Variants in MXRA7 observed in about 807,000 individuals in gnomAD.
MXRA7 encodes the protein matrix-remodeling-associated protein 7.
A neutral mutation model predicts 17.4 loss-of-function variants in MXRA7; 18 were observed. The observed-to-expected ratio is 1.03, with a 90% CI of 0.71 to 1.53. The LOEUF is 1.53. Ranked by LOEUF, MXRA7 falls within the 40% of genes most tolerant of loss-of-function variation. MXRA7 has a pLI of 0.00. For missense variants in MXRA7, 141 were observed against 209.3 expected (o/e 0.67, Z 2.01); for synonymous variants, 70 against 101.7 (o/e 0.69, Z 1.87).
chr17:76,686,491 C>G (rs1053573853), intron 2 of MXRA7, among the ~76,000 whole-genome samples: 5 of 152,032 alleles, frequency 3.3e-5, no homozygotes, highest in Admixed American at 1.3e-4. Context: ...CCCCTACCCC[C>G]CAAAAAAAGA....
intron 1 of MXRA7, among the ~76,000 whole-genome samples, chr17:76,708,076 C>A (rs889960727): frequency 6.6e-6 from 1 of 152,232 alleles, no homozygotes; most frequent in African/African-American, 2.4e-5. Context: ...TCCAGGGTCT[C>A]GGCCTATAGT....
At chr17:76,680,966 A>G (rs2076295242) in intron 3 of MXRA7, 87 bp from the exon 4 acceptor site, 1 of 1,097,556 alleles carries the variant, frequency 9.1e-7, no homozygotes, top group Admixed American at 2.1e-5. Flanking sequence ...AATGGGGACG[A>G]GGAAGGAGAA....
rs1567990602 is a variant in MXRA7, at chr17:76,706,138, A to ACCACACTGCCGTCACAGAGGC, written c.342+4446_342+4466dup. 1.2e-4 allele frequency among the ~76,000 whole-genome samples: 5 copies of ACCACACTGCCGTCACAGAGGC among 40,676 alleles called. No individual in the cohort carries two copies. In the South Asian group the frequency reaches 2.8e-3, roughly 23 times the overall value. The allele number at this position is 40,676 out of a possible 152,430, so 26.7% of individuals were successfully genotyped here. On this transcript the variant is annotated intron_variant, in intron 1 of 3. Transcript: ENST00000449428. ...AAGGCCCACGCTGCCATCACAAAGG[A>ACCACACTGCCGTCACAGAGGC]CCACACTGCCGTCACAGAGGCCCAC...
rs1236738127 is a variant in MXRA7, at chr17:76,681,937, G to A, written c.501-1058C>T. ...AGCAGCTTCAGCGGAACCCAGGGAC[G>A]CCACCAGAGGCATGAAGTGTGTGAA... On this transcript the variant is annotated intron_variant, in intron 3 of 3. Transcript: ENST00000449428. This position sits in a 1 kb window ranked among gnomAD's most constrained non-coding sequence, Gnocchi z 4.7. 3.9e-5 allele frequency among the ~76,000 whole-genome samples: 6 copies of A among 152,208 alleles called. No homozygotes were observed. The highest frequency in any genetic ancestry group is 6.5e-5 in the Admixed American group (1 of 15,282).
chr17:76,698,257 C>G (rs528032246), intron 1 of MXRA7, among the ~76,000 whole-genome samples: 9 of 152,232 alleles, frequency 5.9e-5, no homozygotes, highest in African/African-American at 1.9e-4. Flanking sequence ...GCCCCCCAAC[C>G]CCAGAATGGG....
chr17:76,702,337 A>G (rs2076599940), intron 1 of MXRA7, among the ~76,000 whole-genome samples: 1 of 152,132 alleles, frequency 6.6e-6, no homozygotes, highest in African/African-American at 2.4e-5. Context: ...GCAAGACACC[A>G]TCTCTACAAA....
chr17:76,697,660 G>A (rs940237515), intron 1 of MXRA7, among the ~76,000 whole-genome samples: 20 of 152,200 alleles, frequency 1.3e-4, no homozygotes, highest in African/African-American at 4.6e-4. Flanking sequence ...TGGAGGAGGT[G>A]GAGGCGGGAG....
chr17:76,687,753 G>A (rs143829017), intron 2 of MXRA7, among the ~76,000 whole-genome samples: 5 of 152,372 alleles, frequency 3.3e-5, no homozygotes, highest in Admixed American at 1.3e-4. Context: ...AGTGGTTTTC[G>A]TCTCAGTAAA....
chr17:76,686,706 TC>T (rs1400453496), intron 2 of MXRA7, among the ~76,000 whole-genome samples: 1 of 152,180 alleles, frequency 6.6e-6, no homozygotes, highest in African/African-American at 2.4e-5. Flanking sequence ...GGTTTCTTCC[TC>T]CAGTCTCCTG....
intron 1 of MXRA7, chr17:76,688,717 C>A: frequency 2.5e-6 from 3 of 1,221,874 alleles, no homozygotes; most frequent in South Asian, 8.4e-5. Flanking sequence ...AACAGATGAT[C>A]AGAGGAATGG....
chr17:76,710,478 G>A lies in MXRA7; in HGVS notation c.342+127C>T, dbSNP rs2076707078. 5.2e-6 allele frequency: 4 copies of A among 773,188 alleles called. No homozygotes were observed. In the South Asian group the frequency reaches 2.4e-4, roughly 46 times the overall value. 47.9% of individuals were successfully genotyped at this position (773,188 alleles called of 1,614,324 possible). ...GGACCTGCATTTCCTGCGGGCCGCG[G>A]GTTCTGCGCTTCCTGGGGGCAGCCT... On this transcript the variant is annotated intron_variant, in intron 1 of 3. Coordinates refer to ENST00000449428, the MANE Select transcript of MXRA7 (RefSeq NM_198530.4).
chr17:76,674,139 G>C (rs1041196186), exon 4 of MXRA7: 3 of 152,256 alleles, frequency 2.0e-5, no homozygotes, highest in Non-Finnish European at 4.4e-5. Context: ...CCCACACCCA[G>C]AGAGAGTTCC....
intron 3 of MXRA7, chr17:76,684,003 C>G: frequency 1.8e-6 from 2 of 1,135,664 alleles, no homozygotes; most frequent in Non-Finnish European, 2.7e-6. Context: ...GGGCTCCTGC[C>G]AGGGCTCTTC....
At chr17:76,710,517 C>T in intron 1 of MXRA7, 88 bp downstream of exon 1, 1 of 1,101,156 alleles carries the variant, frequency 9.1e-7, no homozygotes, top group Non-Finnish European at 1.1e-6. Context: ...CTGGAGGCCG[C>T]GGCCCCGCTC....
Position 76,688,524 on chromosome 17 carries a change from G to C in MXRA7, c.343-348C>G, listed in dbSNP as rs978458800. 7 of 1,285,654 alleles carry C rather than the reference G, an allele frequency of 5.4e-6. No homozygotes were observed. In the African/African-American group the frequency reaches 9.1e-5, roughly 17 times the overall value. The allele number at this position is 1,285,654 out of a possible 1,614,324, so 79.6% of individuals were successfully genotyped here. ...TGCGACGCTGCGGCCAGCAGACAAA[G>C]GGTGCAAGAGGAAAGCTGGCTGGGG... On this transcript the variant is annotated intron_variant, in intron 1 of 3. Transcript: ENST00000449428.
At chr17:76,690,573 G>A (rs1263053358) in intron 1 of MXRA7, among the ~76,000 whole-genome samples, 1 of 151,922 alleles carries the variant, frequency 6.6e-6, no homozygotes, top group Non-Finnish European at 1.5e-5. Flanking sequence ...AGCTGTGCAT[G>A]GTGGCACGCA....
At chr17:76,677,569 T>C (rs895059985), downstream of MXRA7, 3 of 1,570,312 alleles carry the variant, frequency 1.9e-6, no homozygotes, top group Non-Finnish European at 2.6e-6. Context: ...ATGGCCGCTG[T>C]GCATCCCGTG....
intron 1 of MXRA7, among the ~76,000 whole-genome samples, chr17:76,691,378 A>G (rs1208189008): frequency 6.6e-5 from 10 of 152,188 alleles, no homozygotes; most frequent in East Asian, 1.9e-4. Flanking sequence ...ACCAGTTAAC[A>G]TAAGTGCTTC....
rs2076371872 is a variant in MXRA7 at position 76,685,115 on chromosome 17, A to G, written c.457T>C (p.Tyr153His). 3 of 1,613,888 alleles carry G rather than the reference A, an allele frequency of 1.9e-6. No homozygotes were observed. Among genetic ancestry groups the G allele is most frequent in the Middle Eastern group, 1.6e-4 (1 of 6,062 alleles). ...TCCTCTTTGGTCATCATCTTCTTGT[A>G]CTGGTTTCCCCTCAGCTTCCCGGGG... The part of the protein sequence containing the change: ...YSPGKLRGNQ[Y>H]KKMMTKEELE... The change falls in exon 3 of 4, where the codon TAC (tyrosine) becomes CAC (histidine). Residue 153 changes from tyrosine to histidine, a missense_variant. Tyr to His is a moderately conservative substitution (Grantham distance 83). Coordinates refer to ENST00000449428, the MANE Select transcript of MXRA7 (RefSeq NM_198530.4).
Sources: gnomAD v4.1 joint callset for allele counts (sites outside exome capture counted in the v4.1 genomes callset) on GRCh38, gnomAD v4.1.1 for gene constraint, Gnocchi (gnomAD v3.1) non-coding constraint, MANE v1.5 for transcripts, NCBI Gene and HGNC (gene_info 2026-07-23, HGNC 2026-07-21) for gene names.